Variants in TIAM1 observed in about 807,000 individuals in gnomAD.
TIAM1 encodes TIAM Rac1 associated GEF 1, also known as rho guanine nucleotide exchange factor TIAM1.
TIAM1 carries 65 observed loss-of-function variants against 163.5 expected under a neutral mutation model. The ratio of observed to expected loss-of-function variants is 0.40; its 90% confidence interval spans 0.33 to 0.49. TIAM1 has a LOEUF of 0.49. Among genes scored for constraint, TIAM1 ranks in the 20% least tolerant of loss-of-function variants. The pLI is 0.77. For synonymous variants in TIAM1, 833 were observed against 810.1 expected, an observed-to-expected ratio of 1.03 and a Z score of -0.48; for missense variants, 1,789 against 2,044.7, an observed-to-expected ratio of 0.87 and a Z score of 2.41.
chr21:31,190,985 G>A (rs1312541762), intron 13 of TIAM1, among the ~76,000 whole-genome samples: 1 of 152,136 alleles, frequency 6.6e-6, no homozygotes, highest in Non-Finnish European at 1.5e-5. Context: ...ATACAGATGG[G>A]CTGAATTTCG....
chr21:31,437,257 A>G (rs2044240993), intron 2 of TIAM1, among the ~76,000 whole-genome samples: 1 of 152,136 alleles, frequency 6.6e-6, no homozygotes, highest in South Asian at 2.1e-4. Context: ...GGCTGGGCAC[A>G]CTGGTGCACG....
intron 2 of TIAM1, among the ~76,000 whole-genome samples, chr21:31,309,236 T>G (rs933560117): frequency 1.3e-5 from 2 of 152,108 alleles, no homozygotes; most frequent in Non-Finnish European, 2.9e-5. Flanking sequence ...GGTGGACAAA[T>G]CACCTGTGGT....
intron 2 of TIAM1, among the ~76,000 whole-genome samples, chr21:31,350,407 G>A (rs1416885892): frequency 1.3e-5 from 2 of 152,176 alleles, no homozygotes; most frequent in Non-Finnish European, 2.9e-5. Context: ...CTAAGAAGGT[G>A]ATATAGTTTG....
At chr21:31,518,295 GT>G (rs989098815) in intron 1 of TIAM1, among the ~76,000 whole-genome samples, 1 of 150,780 alleles carries the variant, frequency 6.6e-6, no homozygotes. Flanking sequence ...GTTTTTTGGG[GT>G]TTTTTTTTGA....
At chr21:31,362,656 G>A (rs1204175809) in intron 2 of TIAM1, among the ~76,000 whole-genome samples, 1 of 151,584 alleles carries the variant, frequency 6.6e-6, no homozygotes, top group African/African-American at 2.4e-5. Flanking sequence ...TAGTAGAGAT[G>A]GGGTTTCACC....
chr21:31,210,542 G>GAAAGAA (rs1365052185), intron 10 of TIAM1, among the ~76,000 whole-genome samples: 3 of 72,558 alleles, frequency 4.1e-5, no homozygotes, highest in Non-Finnish European at 7.5e-5. Flanking sequence ...GGAAAAGAAA[G>GAAAGAA]AAAGAAAGAA....
chr21:31,522,445 G>C (rs1351536871), intron 1 of TIAM1, among the ~76,000 whole-genome samples: 2 of 151,572 alleles, frequency 1.3e-5, no homozygotes, highest in Admixed American at 6.6e-5. Flanking sequence ...GGGAGGCAGA[G>C]GTTGCGGTGA....
chr21:31,371,569 G>A (rs1472961690), intron 2 of TIAM1, among the ~76,000 whole-genome samples: 5 of 152,140 alleles, frequency 3.3e-5, no homozygotes, highest in Non-Finnish European at 5.9e-5. Context: ...GTATGATTAT[G>A]GAACAAGAGC....
intron 1 of TIAM1, among the ~76,000 whole-genome samples, chr21:31,524,709 T>G (rs1602488930): frequency 6.6e-6 from 1 of 152,238 alleles, no homozygotes; most frequent in East Asian, 1.9e-4. Flanking sequence ...GCCCAAGAGT[T>G]TTATATCCAT....
intron 1 of TIAM1, among the ~76,000 whole-genome samples, chr21:31,541,009 C>A (rs561616346): frequency 2.6e-5 from 4 of 152,096 alleles, no homozygotes; most frequent in Non-Finnish European, 4.4e-5. Flanking sequence ...CTGATGAAGA[C>A]CAATCAAGCT....
At chr21:31,275,562 G>A (rs1372015658) in intron 3 of TIAM1, among the ~76,000 whole-genome samples, 3 of 152,134 alleles carry the variant, frequency 2.0e-5, no homozygotes, top group East Asian at 3.9e-4. Flanking sequence ...CTATGGCAGC[G>A]TTATTTGTAC....
intron 2 of TIAM1, among the ~76,000 whole-genome samples, chr21:31,458,618 C>T (rs1665671862): frequency 6.6e-6 from 1 of 152,168 alleles, no homozygotes; most frequent in Non-Finnish European, 1.5e-5. Flanking sequence ...AGCACCTGCG[C>T]TGATTTAGAC....
chr21:31,489,179 G>A lies in TIAM1; in HGVS notation c.-421-25144C>T, dbSNP rs562987663. Among the ~76,000 whole-genome samples, 9 of 151,338 alleles carry A rather than the reference G, an allele frequency of 5.9e-5. No homozygotes were observed. In the South Asian group the frequency reaches 1.9e-3, roughly 32 times the overall value. Reference sequence around the variant, plus strand: ...GAGTCTAGGAGTTTGAGAACAGCCTGGGCAACATAGAGACCTTATCTCTAC... The same window carrying A: ...GAGTCTAGGAGTTTGAGAACAGCCTAGGCAACATAGAGACCTTATCTCTAC... On this transcript the variant is annotated intron_variant, in intron 1 of 28. Transcript: ENST00000286827.
chr21:31,186,737 C>T (rs753465261), intron 14 of TIAM1, among the ~76,000 whole-genome samples: 13 of 152,022 alleles, frequency 8.6e-5, no homozygotes, highest in South Asian at 6.2e-4. Flanking sequence ...CCTATGATTG[C>T]GCCACTGGAC....
At chr21:31,369,224 T>TAAAAAA (rs2076552073) in intron 2 of TIAM1, among the ~76,000 whole-genome samples, 1 of 19,402 alleles carries the variant, frequency 5.2e-5, no homozygotes, top group Admixed American at 4.3e-4. Flanking sequence ...AGAATCCATC[T>TAAAAAA]CAAAAAAAAA....
In TIAM1 at chr21:31,524,369, A is replaced by G. The variant is rs569691556; in HGVS notation, c.-422+34558T>C. ...AGCCAGATCTTGCGAGAACTGGCTC[A>G]CTATGGCAAGAACTGCACCAAGCCA... On this transcript the variant is annotated intron_variant, in intron 1 of 28. Transcript: ENST00000286827. Among the ~76,000 whole-genome samples, 11 of 152,240 alleles carry G rather than the reference A, an allele frequency of 7.2e-5. No homozygotes were observed. In the Middle Eastern group the frequency reaches 0.01, roughly 141 times the overall value.
intron 6 of TIAM1, among the ~76,000 whole-genome samples, chr21:31,232,950 C>A (rs2088523408): frequency 6.6e-6 from 1 of 151,734 alleles, no homozygotes; most frequent in Non-Finnish European, 1.5e-5. Flanking sequence ...AAAGTTCTTG[C>A]CAACAGACAA....
At chr21:31,154,459 G>A (rs2083524404) in intron 16 of TIAM1, 33 bp from the exon 17 acceptor site, 1 of 1,600,086 alleles carries the variant, frequency 6.2e-7, no homozygotes, top group Admixed American at 1.7e-5. Context: ...GAAGGCAGAG[G>A]TCATTATCCC....
At chr21:31,217,464 G>A in intron 9 of TIAM1, 89 bp downstream of exon 9, 1 of 1,518,040 alleles carries the variant, frequency 6.6e-7, no homozygotes, top group African/African-American at 1.4e-5. Flanking sequence ...ATAACACTCG[G>A]CCTCACTGAA....
Sources: allele counts gnomAD v4.1 joint callset (sites outside exome capture counted in the v4.1 genomes callset), GRCh38; gene constraint gnomAD v4.1.1; transcripts MANE v1.5; gene names NCBI Gene and HGNC (gene_info 2026-07-23, HGNC 2026-07-21).